The following RIMS2 variants were observed in gnomAD, a reference collection of about 807,000 sequenced individuals.
The protein encoded by RIMS2 is regulating synaptic membrane exocytosis protein 2.
RIMS2 carries 59 observed loss-of-function variants against 174.4 expected under a neutral mutation model. The observed-to-expected ratio is 0.34, with a 90% CI of 0.27 to 0.42. The LOEUF (loss-of-function observed/expected upper bound fraction) is 0.42. RIMS2 is among the 10% of genes least tolerant of loss of function. The pLI is 1.00. For missense variants in RIMS2, 1,620 were observed against 1,666.3 expected (o/e 0.97, Z 0.48); for synonymous variants, 606 against 572.5 (o/e 1.06, Z -0.84).
At chr8:104,099,103 A>G (rs145697642) in intron 19 of RIMS2, among the ~76,000 whole-genome samples, 1 of 152,262 alleles carries the variant, frequency 6.6e-6, no homozygotes. Flanking sequence ...TATTCTGATG[A>G]TTTGCCTTTA....
intron 2 of RIMS2, among the ~76,000 whole-genome samples, chr8:103,759,109 G>A (rs2098073820): frequency 1.3e-5 from 2 of 152,170 alleles, no homozygotes; most frequent in African/African-American, 4.8e-5. Context: ...CTTCTTTCCA[G>A]GCTTTGACTC....
chr8:103,669,804 C>T (rs977780008), intron 1 of RIMS2, among the ~76,000 whole-genome samples: 5 of 152,348 alleles, frequency 3.3e-5, no homozygotes, highest in African/African-American at 4.8e-5. Flanking sequence ...GAGCCCCTTC[C>T]GGCTGCTTTC....
At chr8:103,587,303 C>T (rs982707372) in intron 1 of RIMS2, among the ~76,000 whole-genome samples, 13 of 151,764 alleles carry the variant, frequency 8.6e-5, no homozygotes, top group Admixed American at 4.6e-4. Flanking sequence ...ACCAGTTCTA[C>T]TCAAATTATT....
intron 1 of RIMS2, among the ~76,000 whole-genome samples, chr8:103,637,520 A>G (rs779184479): frequency 1.4e-4 from 21 of 152,220 alleles, no homozygotes; most frequent in Non-Finnish European, 2.6e-4. Context: ...AATGTTTTAT[A>G]GAATTCACCA....
In RIMS2 at chr8:103,931,456, G is replaced by A. The variant is rs375356707; in HGVS notation, c.2375+63G>A. On this transcript the variant is annotated intron_variant, in intron 12 of 23. Coordinates refer to ENST00000504942, the Ensembl canonical transcript of RIMS2. ...AATGAGAAAATGTTCATAGCAATGG[G>A]TATTTCAATTCTGTATCATTTATTG... The A allele has an allele frequency of 7.0e-4, 800 of 1,148,970 alleles. 6 individuals are homozygous for A. The African/African-American group carries it at 0.011, about 15-fold the overall frequency. 71.2% of individuals were successfully genotyped at this position (1,148,970 alleles called of 1,614,324 possible).
chr8:103,731,988 G>A (rs936367734), intron 2 of RIMS2, among the ~76,000 whole-genome samples: 1 of 152,142 alleles, frequency 6.6e-6, no homozygotes, highest in Non-Finnish European at 1.5e-5. Context: ...CTTGGTGCTT[G>A]TTGATGTTTG....
intron 19 of RIMS2, among the ~76,000 whole-genome samples, chr8:104,042,306 G>A (rs1156277603): frequency 6.6e-6 from 1 of 151,456 alleles, no homozygotes; most frequent in Non-Finnish European, 1.5e-5. Context: ...ACACAAGTTT[G>A]GCGAAAGTAG....
chr8:104,146,222 A>T lies in RIMS2; in HGVS notation c.3335-98694A>T, dbSNP rs1015473127. Among the ~76,000 whole-genome samples, 469 of 150,562 alleles carry T rather than the reference A, an allele frequency of 3.1e-3. 4 individuals carry two copies. Among genetic ancestry groups the T allele is most frequent in the African/African-American group, 0.01 (431 of 41,096 alleles). On this transcript the variant is annotated intron_variant, in intron 19 of 23. Transcript: ENST00000504942. ...CCTCTCCCAAAAAAAAAAAAAAAAA[A>T]AAAAAAGCCAGGTGTGCTGGCATGC...
At chr8:104,031,926 T>C (rs1164920523) in intron 19 of RIMS2, among the ~76,000 whole-genome samples, 1 of 151,804 alleles carries the variant, frequency 6.6e-6, no homozygotes, top group African/African-American at 2.4e-5. Flanking sequence ...TGGTAAATAC[T>C]TTATTTCAAG....
intron 3 of RIMS2, among the ~76,000 whole-genome samples, chr8:103,771,150 C>G (rs1473480268): frequency 6.6e-6 from 1 of 152,142 alleles, no homozygotes; most frequent in Non-Finnish European, 1.5e-5. Context: ...CAAGTTGGCT[C>G]TAAACCTTAG....
chr8:104,082,935 G>T (rs1487898785), intron 19 of RIMS2, among the ~76,000 whole-genome samples: 1 of 152,058 alleles, frequency 6.6e-6, no homozygotes, highest in Non-Finnish European at 1.5e-5. Flanking sequence ...AGATGCATTT[G>T]AAAAGAACAT....
intron 19 of RIMS2, among the ~76,000 whole-genome samples, chr8:104,186,200 G>A (rs920775976): frequency 9.9e-5 from 15 of 151,606 alleles, no homozygotes; most frequent in African/African-American, 1.5e-4. Flanking sequence ...ACACATGGAC[G>A]TACAGTGTGG....
chr8:104,249,677 A>G lies in RIMS2; in HGVS notation c.3691+89A>G, dbSNP rs184654014. 8.0e-4 allele frequency: 583 copies of G among 730,172 alleles called. 1 individual carries two copies. Among genetic ancestry groups the G allele is most frequent in the Non-Finnish European group, 3.9e-4 (166 of 421,726 alleles). 45.2% of individuals were successfully genotyped at this position (730,172 alleles called of 1,614,324 possible). On this transcript the variant is annotated intron_variant, in intron 22 of 23. Transcript: ENST00000504942. ...TTTGATTGGTTTAGACCTTTGATTT[A>G]GTTAATCAAGATTACTAATGGATGG...
At chr8:104,163,112 C>G (rs2098773819) in intron 19 of RIMS2, among the ~76,000 whole-genome samples, 1 of 152,010 alleles carries the variant, frequency 6.6e-6, no homozygotes, top group Non-Finnish European at 1.5e-5. Flanking sequence ...GCTCATTGTC[C>G]CCTTGGGCTT....
Position 103,795,971 on chromosome 8 carries a change from C to A in RIMS2, c.698+29434C>A, listed in dbSNP as rs531872514. Among the ~76,000 whole-genome samples the A allele has an allele frequency of 3.3e-5, 5 of 152,192 alleles. No individual in the cohort carries two copies. The South Asian group carries it at 1.0e-3, about 32-fold the overall frequency. On this transcript the variant is annotated intron_variant, in intron 3 of 23. Coordinates refer to ENST00000504942, the Ensembl canonical transcript of RIMS2. ...AGCAGCTCCTTTGTCATCCCCTAGC[C>A]CATCTTATTGCACCATCAATCATTC... is the stretch of plus-strand genomic sequence containing the variant.
chr8:103,762,983 T>C (rs2140165737), intron 2 of RIMS2, among the ~76,000 whole-genome samples: 1 of 152,322 alleles, frequency 6.6e-6, no homozygotes, highest in African/African-American at 2.4e-5. Flanking sequence ...CTTCTATATA[T>C]GGTCTTTTGT....
chr8:104,041,346 A>G (rs2154557644), intron 19 of RIMS2: 1 of 696,970 alleles, frequency 1.4e-6, no homozygotes, highest in East Asian at 2.6e-5. Flanking sequence ...CTCTACAAGG[A>G]GAAGATATGC....
chr8:104,210,488 C>T (rs551280089), intron 19 of RIMS2, among the ~76,000 whole-genome samples: 6 of 152,222 alleles, frequency 3.9e-5, no homozygotes, highest in South Asian at 4.2e-4. Flanking sequence ...TCAGAGTGTT[C>T]TCTAGGAAAA....
intron 12 of RIMS2, among the ~76,000 whole-genome samples, chr8:103,933,369 C>CCAGCT (rs1011401412): frequency 3.3e-5 from 5 of 150,528 alleles, no homozygotes; most frequent in Non-Finnish European, 7.4e-5. Context: ...GCCTGTAATC[C>CCAGCT]CAGCTACTCG....
Sources: gnomAD v4.1 joint callset for allele counts (sites outside exome capture counted in the v4.1 genomes callset) on GRCh38, gnomAD v4.1.1 for gene constraint, MANE v1.5 for transcripts, NCBI Gene and HGNC (gene_info 2026-07-23, HGNC 2026-07-21) for gene names.